GPR39: variants seen among roughly 807,000 people sequenced by gnomAD.
GPR39 encodes G protein-coupled receptor 39.
GPR39 carries 23 observed loss-of-function variants against 18.4 expected under a neutral mutation model. That is an observed-to-expected ratio of 1.25 (90% CI 0.90 to 1.77). The LOEUF is 1.77. Among genes scored for constraint, GPR39 ranks in the 40% most tolerant of loss-of-function variants. The pLI is 0.00. For synonymous variants in GPR39, 280 were observed against 257.9 expected, an observed-to-expected ratio of 1.09 and a Z score of -0.82; for missense variants, 647 against 602.4, an observed-to-expected ratio of 1.07 and a Z score of -0.78.
At chr2:132,505,519 C>T (rs956221005) in intron 1 of GPR39, among the ~76,000 whole-genome samples, 1 of 152,146 alleles carries the variant, frequency 6.6e-6, no homozygotes, top group African/African-American at 2.4e-5. Flanking sequence ...TATGTTTGTA[C>T]TCATTAACCA....
intron 1 of GPR39, among the ~76,000 whole-genome samples, chr2:132,419,692 T>C (rs774362484): frequency 6.6e-6 from 1 of 152,216 alleles, no homozygotes; most frequent in Non-Finnish European, 1.5e-5. Context: ...TAGGCATATC[T>C]TAAACTGTAA....
At chr2:132,614,790 C>G (rs1482001046) in intron 1 of GPR39, among the ~76,000 whole-genome samples, 1 of 152,106 alleles carries the variant, frequency 6.6e-6, no homozygotes, top group Non-Finnish European at 1.5e-5. Context: ...GACCACCTGC[C>G]TCAGCCTCCC....
chr2:132,501,497 C>T (rs779846669), intron 1 of GPR39, among the ~76,000 whole-genome samples: 4 of 151,942 alleles, frequency 2.6e-5, no homozygotes, highest in Admixed American at 1.3e-4. Flanking sequence ...TGTGGGCTAT[C>T]GTATGGTCTA....
chr2:132,620,253 A>G (rs6760538), intron 1 of GPR39, among the ~76,000 whole-genome samples: 82,198 of 152,084 alleles, frequency 0.54, 23,548 homozygotes, highest in African/African-American at 0.74. Context: ...CTGCAGCTCC[A>G]GCATGAGTTG....
Position 132,646,131 on chromosome 2 carries a change from T to G in GPR39, c.*525T>G. 7 of 1,610,076 alleles carry G rather than the reference T, an allele frequency of 4.3e-6. No individual in the cohort carries two copies. The highest frequency in any genetic ancestry group is 5.9e-6 in the Non-Finnish European group (7 of 1,177,812). On this transcript the variant is annotated 3_prime_UTR_variant, in exon 2 of 2. Coordinates refer to ENST00000329321, the MANE Select transcript of GPR39 (RefSeq NM_001508.3). Reference sequence around the variant, plus strand: ...CTGAGGGCCGAGGCAGAACTTCCCCTTTTCTTGGGCCTTGGCCCGTTACAA... The same window carrying G: ...CTGAGGGCCGAGGCAGAACTTCCCCGTTTCTTGGGCCTTGGCCCGTTACAA...
intron 1 of GPR39, among the ~76,000 whole-genome samples, chr2:132,501,312 T>C (rs944272672): frequency 1.3e-5 from 2 of 152,182 alleles, no homozygotes; most frequent in African/African-American, 4.8e-5. Flanking sequence ...TTTTTAACTT[T>C]CCATCTTGAT....
chr2:132,558,608 C>T (rs1330922180), intron 1 of GPR39, among the ~76,000 whole-genome samples: 3 of 152,004 alleles, frequency 2.0e-5, no homozygotes, highest in Non-Finnish European at 1.5e-5. Context: ...GAGATGAGGT[C>T]GGGGGAAAGA....
At chr2:132,465,653 G>A (rs1429141903) in intron 1 of GPR39, among the ~76,000 whole-genome samples, 1 of 152,234 alleles carries the variant, frequency 6.6e-6, no homozygotes, top group Admixed American at 6.5e-5. Flanking sequence ...GGTTGTCACA[G>A]CGTTTGAAGG....
At chr2:132,449,000 A>T (rs970885347) in intron 1 of GPR39, among the ~76,000 whole-genome samples, 1 of 152,216 alleles carries the variant, frequency 6.6e-6, no homozygotes, top group Non-Finnish European at 1.5e-5. Context: ...AACCCCCTGC[A>T]GGCTGTTTGC....
intron 1 of GPR39, among the ~76,000 whole-genome samples, chr2:132,633,084 G>A (rs1404048460): frequency 1.3e-5 from 2 of 152,146 alleles, no homozygotes; most frequent in Non-Finnish European, 2.9e-5. Flanking sequence ...AAAGAAGCAA[G>A]GTCAAGGTCA....
intron 1 of GPR39, among the ~76,000 whole-genome samples, chr2:132,584,798 C>T (rs1213328915): frequency 6.6e-6 from 1 of 152,176 alleles, no homozygotes; most frequent in Non-Finnish European, 1.5e-5. Context: ...AGACGATTAC[C>T]AGTGTTCGCT....
At chr2:132,527,228 A>G (rs1263257808) in intron 1 of GPR39, among the ~76,000 whole-genome samples, 3 of 152,124 alleles carry the variant, frequency 2.0e-5, no homozygotes, top group South Asian at 2.1e-4. Flanking sequence ...GCTGAGGATG[A>G]TGGCTTCCAG....
At chr2:132,623,349 C>T (rs932245619) in intron 1 of GPR39, among the ~76,000 whole-genome samples, 4 of 151,976 alleles carry the variant, frequency 2.6e-5, no homozygotes, top group Admixed American at 6.6e-5. Context: ...CTCCTGATAC[C>T]GTTGAAGGAA....
intron 1 of GPR39, among the ~76,000 whole-genome samples, chr2:132,596,223 T>A (rs1368531558): frequency 1.3e-5 from 2 of 152,224 alleles, no homozygotes; most frequent in Non-Finnish European, 2.9e-5. Flanking sequence ...CTGGGCTCTT[T>A]GGAACAGGTT....
At chr2:132,581,649 G>A (rs755447011) in intron 1 of GPR39, among the ~76,000 whole-genome samples, 2 of 152,090 alleles carry the variant, frequency 1.3e-5, no homozygotes, top group Admixed American at 6.5e-5. Flanking sequence ...GGGTCAATGC[G>A]GAGTGAGGCC....
chr2:132,549,368 G>C (rs1188002376), intron 1 of GPR39, among the ~76,000 whole-genome samples: 1 of 152,172 alleles, frequency 6.6e-6, no homozygotes, highest in Non-Finnish European at 1.5e-5. Context: ...TCCAAACTTT[G>C]CTCACCATAT....
intron 1 of GPR39, chr2:132,418,676 C>T (rs1178850932): frequency 1.3e-5 from 2 of 152,148 alleles, no homozygotes; most frequent in Non-Finnish European, 2.9e-5. Flanking sequence ...GTTGAGGCCT[C>T]GTCTATTTAA....
At chr2:132,501,054 G>GTTTTTTTTTTTTTTTTTTTTTTTTTGT (rs55720929) in intron 1 of GPR39, among the ~76,000 whole-genome samples, 2 of 90,324 alleles carry the variant, frequency 2.2e-5, no homozygotes, top group African/African-American at 4.1e-5. Context: ...TATCTTTTGT[G>GTTTTTTTTTTTTTTTTTTTTTTTTTGT]TTTTTTTTTT....
At chr2:132,453,634 T>C (rs1558802795) in intron 1 of GPR39, among the ~76,000 whole-genome samples, 1 of 152,226 alleles carries the variant, frequency 6.6e-6, no homozygotes, top group Non-Finnish European at 1.5e-5. Flanking sequence ...AAGTCTTTAA[T>C]CCATCTTGAA....
Sources: gnomAD v4.1 joint callset for allele counts (sites outside exome capture counted in the v4.1 genomes callset) on GRCh38, gnomAD v4.1.1 for gene constraint, MANE v1.5 for transcripts, NCBI Gene and HGNC (gene_info 2026-07-23, HGNC 2026-07-21) for gene names.